UEVLD: variants seen among roughly 807,000 people sequenced by gnomAD.
UEVLD encodes the protein ubiquitin-conjugating enzyme E2 variant 3.
Under a neutral mutation model 58.6 loss-of-function variants are expected in UEVLD, and 47 were observed. That is an observed-to-expected ratio of 0.80 (90% CI 0.63 to 1.02). UEVLD has a LOEUF of 1.02. Ranked by LOEUF, UEVLD falls within the 50% of genes least tolerant of loss-of-function variation. The probability of loss-of-function intolerance (pLI) is 0.00; values close to 1 mark genes in which losing one functional copy is unlikely to be tolerated. For missense variants in UEVLD, 510 were observed against 550.6 expected (o/e 0.93, Z 0.74); for synonymous variants, 197 against 195.3 (o/e 1.01, Z -0.07).
rs1851326746 is a variant in UEVLD at position 18,546,950 on chromosome 11, C to T, written c.816G>A (p.Met272Ile). The change falls in exon 8 of 12, where the codon ATG (methionine) becomes ATA (isoleucine). Residue 272 changes from methionine to isoleucine, a missense_variant. Coordinates refer to ENST00000396197, the MANE Select transcript of UEVLD (RefSeq NM_001040697.4). ...CCAGAGCTGGGACAAGGGCTCTGAA[C>T]ATATCCACATTGCTCTGTACCACAT... Reference protein sequence around the residue: ...YLDVVQSNVDMFRALVPALGH... With the variant: ...YLDVVQSNVDIFRALVPALGH... 6.2e-7 allele frequency: 1 copy of T among 1,614,014 alleles called. No homozygotes were observed. The highest frequency in any genetic ancestry group is 1.1e-5 in the South Asian group (1 of 91,074).
Position 18,532,480 on chromosome 11 carries a change from T to C in UEVLD, c.1256A>G (p.Tyr419Cys), listed in dbSNP as rs1462952789. Residue 419 changes from tyrosine (Y) to cysteine (C), a missense_variant, in exon 12 of 12, where the codon TAT becomes TGT. Transcript: ENST00000396197. ...TAAAAACACTTCACTATTTATATCATAATATCCCTGAAATGAGAAAAATAG... is the reference window on the plus strand; with the variant it reads ...TAAAAACACTTCACTATTTATATCACAATATCCCTGAAATGAGAAAAATAG... Reference protein sequence around the residue: ...HSVSALAKGYYDINSEVFLSL... With the variant: ...HSVSALAKGYCDINSEVFLSL... 1.2e-6 allele frequency: 2 copies of C among 1,601,882 alleles called. No homozygotes were observed. The highest frequency in any genetic ancestry group is 1.1e-5 in the South Asian group (1 of 88,732).
At chr11:18,553,271 G>A (rs1695212396) in intron 7 of UEVLD, among the ~76,000 whole-genome samples, 1 of 150,634 alleles carries the variant, frequency 6.6e-6, no homozygotes, top group Non-Finnish European at 1.5e-5. Flanking sequence ...GGTTGCAGTG[G>A]GCCACGATTG....
At chr11:18,546,252 T>C (rs538810656) in intron 8 of UEVLD, among the ~76,000 whole-genome samples, 1 of 152,320 alleles carries the variant, frequency 6.6e-6, no homozygotes, top group Non-Finnish European at 1.5e-5. Context: ...ATATCATGCA[T>C]ATAAGTCATT....
chr11:18,551,128 A>C (rs1025998650), intron 7 of UEVLD, among the ~76,000 whole-genome samples: 2 of 152,096 alleles, frequency 1.3e-5, no homozygotes, highest in African/African-American at 4.8e-5. Flanking sequence ...TATAAATTAC[A>C]AGGTTAAGGA....
intron 1 of UEVLD, among the ~76,000 whole-genome samples, chr11:18,584,703 G>C (rs1030632771): frequency 1.3e-5 from 2 of 152,146 alleles, no homozygotes; most frequent in African/African-American, 4.8e-5. Context: ...CGTGATCTCA[G>C]CTCACCACAA....
At chr11:18,543,463 AGT>A (rs1482567659) in intron 9 of UEVLD, among the ~76,000 whole-genome samples, 1 of 152,114 alleles carries the variant, frequency 6.6e-6, no homozygotes, top group African/African-American at 2.4e-5. Context: ...CCATTCCTGG[AGT>A]GTTTTTCCTA....
In UEVLD at chr11:18,564,880, A is replaced by G. The variant is rs184704103; in HGVS notation, c.612+12T>C. The G allele has an allele frequency of 3.2e-6, 5 of 1,580,746 alleles. No homozygotes were observed. In the East Asian group the frequency reaches 9.0e-5, roughly 28 times the overall value. On this transcript the variant is annotated intron_variant, in intron 6 of 11. Transcript: ENST00000396197. ...TATGATAGATGTATTTATAACCACT[A>G]TGTTTACATACCTTTGCTGAAATTG...
chr11:18,578,616 A>G, intron 2 of UEVLD, 108 bp downstream of exon 2: 1 of 762,500 alleles, frequency 1.3e-6, no homozygotes, highest in Non-Finnish European at 2.2e-6. Context: ...ATAGCTGAAA[A>G]TCAGAGGATA....
Position 18,588,703 on chromosome 11 carries a change from T to C in UEVLD, c.-49A>G, listed in dbSNP as rs1301961552. The C allele has an allele frequency of 1.3e-6, 2 of 1,591,918 alleles. No individual in the cohort carries two copies. Among genetic ancestry groups the C allele is most frequent in the Non-Finnish European group, 1.7e-6 (2 of 1,173,874 alleles). Reference sequence around the variant, plus strand: ...TCCCAGGACTCCAGCCCCCGGACCTTCTTCCGGACTTGCTGCAGGACGGAA... The same window carrying C: ...TCCCAGGACTCCAGCCCCCGGACCTCCTTCCGGACTTGCTGCAGGACGGAA... On this transcript the variant is annotated 5_prime_UTR_variant, in exon 1 of 12. Transcript: ENST00000396197.
At position 18,544,660 on chromosome 11, in the gene UEVLD, T is replaced by C. The variant is rs760695558; in HGVS notation, c.1023A>G (p.Lys341=). The change falls in exon 9 of 12, where the codon AAA becomes AAG. Residue 341 remains lysine, a synonymous_variant. Coordinates refer to ENST00000396197, the MANE Select transcript of UEVLD (RefSeq NM_001040697.4). The stretch of plus-strand genomic sequence containing the variant: ...CTTGCTCGCCAATAACCCATACTTC[T>C]TTGCCTGAAGTCTGTGCCTTCAAAA... ...TNVLKAQTSG[K]EVWVIGEQGE... is the part of the protein sequence containing the mutation. 3 of 1,594,432 alleles carry C rather than the reference T, an allele frequency of 1.9e-6. No individual in the cohort carries two copies. The highest frequency in any genetic ancestry group is 4.7e-5 in the East Asian group (2 of 42,966).
chr11:18,532,887 G>A (rs570708065), intron 11 of UEVLD, among the ~76,000 whole-genome samples: 1 of 152,102 alleles, frequency 6.6e-6, no homozygotes, highest in African/African-American at 2.4e-5. Context: ...AAAACAACTG[G>A]TACCATAAGA....
chr11:18,570,231 G>T lies in UEVLD; in HGVS notation c.340C>A (p.Leu114Ile). The T allele has an allele frequency of 1.2e-6, 2 of 1,601,420 alleles. No individual in the cohort carries two copies. Among genetic ancestry groups the T allele is most frequent in the South Asian group, 1.1e-5 (1 of 88,142 alleles). ...DAQGRIYLPY[L>I]QNWSHPKSVI... ...GATCTTACATGGCTCCAGTTTTGGA[G>T]ATAGGGCAAATATATTCTGCCTTGA... Residue 114 changes from leucine (L) to isoleucine (I), a missense_variant, in exon 4 of 12, where the codon CTC becomes ATC. Transcript: ENST00000396197.
At chr11:18,552,839 T>G (rs1459093243) in intron 7 of UEVLD, among the ~76,000 whole-genome samples, 1 of 150,428 alleles carries the variant, frequency 6.6e-6, no homozygotes, top group Non-Finnish European at 1.5e-5. Context: ...CCAGCCTGAA[T>G]GAGTGAGACT....
chr11:18,574,346 C>T (rs891449175), intron 3 of UEVLD, among the ~76,000 whole-genome samples: 1 of 152,108 alleles, frequency 6.6e-6, no homozygotes, highest in Non-Finnish European at 1.5e-5. Context: ...CCATGTTGGC[C>T]GGGCTGGTCT....
At chr11:18,582,434 G>A (rs535056448) in intron 1 of UEVLD, among the ~76,000 whole-genome samples, 119 of 146,058 alleles carry the variant, frequency 8.1e-4, no homozygotes, top group African/African-American at 2.9e-3. Flanking sequence ...TGGAGACAGG[G>A]TCTCACTATG....
At chr11:18,535,282 T>C (rs1263975861) in intron 10 of UEVLD, among the ~76,000 whole-genome samples, 2 of 152,216 alleles carry the variant, frequency 1.3e-5, no homozygotes, top group Non-Finnish European at 2.9e-5. Context: ...GGACACTAAA[T>C]TGTTAAAAAT....
At chr11:18,576,436 G>A (rs1431321865) in intron 2 of UEVLD, among the ~76,000 whole-genome samples, 2 of 151,954 alleles carry the variant, frequency 1.3e-5, no homozygotes, top group East Asian at 3.9e-4. Context: ...TGAGGCAGGA[G>A]AATAACTTGA....
intron 9 of UEVLD, among the ~76,000 whole-genome samples, chr11:18,540,301 T>C (rs1850999660): frequency 6.6e-6 from 1 of 152,210 alleles, no homozygotes; most frequent in Non-Finnish European, 1.5e-5. Flanking sequence ...AAATGAGATA[T>C]GCAAAATATT....
chr11:18,580,889 G>A (rs777777936), intron 1 of UEVLD, among the ~76,000 whole-genome samples: 6 of 152,080 alleles, frequency 3.9e-5, no homozygotes, highest in South Asian at 2.1e-4. Context: ...CTCGCCAGGC[G>A]CGGTGGCTCA....
Sources: gnomAD v4.1 joint callset for allele counts (sites outside exome capture counted in the v4.1 genomes callset) on GRCh38, gnomAD v4.1.1 for gene constraint, MANE v1.5 for transcripts, NCBI Gene and HGNC (gene_info 2026-07-23, HGNC 2026-07-21) for gene names.